Variants in MAN2B1 observed in about 807,000 individuals in gnomAD.
The protein encoded by MAN2B1 is lysosomal alpha-mannosidase.
Under a neutral mutation model 127.5 loss-of-function variants are expected in MAN2B1, and 99 were observed. The observed-to-expected ratio is 0.78, with a 90% CI of 0.66 to 0.92. The LOEUF (loss-of-function observed/expected upper bound fraction) is 0.92, where lower values mean the gene tolerates loss of function less well. Ranked by LOEUF, MAN2B1 falls within the 40% of genes least tolerant of loss-of-function variation. The pLI is 0.00. For synonymous variants in MAN2B1, 573 were observed against 568.8 expected, an observed-to-expected ratio of 1.01 and a Z score of -0.11; for missense variants, 1,304 against 1,384.8, an observed-to-expected ratio of 0.94 and a Z score of 0.93.
At chr19:12,657,135 T>A (rs2023983061) in intron 11 of MAN2B1, 79 bp from the exon 12 acceptor site, 3 of 870,580 alleles carry the variant, frequency 3.4e-6, no homozygotes, top group Non-Finnish European at 5.6e-6. Flanking sequence ...CCCGCCCCGT[T>A]CCGGTCTCTG....
intron 16 of MAN2B1, among the ~76,000 whole-genome samples, chr19:12,650,445 G>A (rs1267022693): frequency 3.5e-5 from 5 of 144,348 alleles, no homozygotes; most frequent in African/African-American, 5.2e-5. Flanking sequence ...TGCAAGCTCC[G>A]CCTCCCGGGT....
intron 7 of MAN2B1, among the ~76,000 whole-genome samples, chr19:12,659,297 CTT>C (rs34781385): frequency 0.31 from 34,272 of 112,216 alleles, 3,287 homozygotes; most frequent in Middle Eastern, 0.41. Context: ...GCTCAATAAA[CTT>C]TTTTTTTTTT....
At chr19:12,650,263 A>T (rs2023811777) in intron 16 of MAN2B1, 41 bp from the exon 17 acceptor site, 1 of 1,277,300 alleles carries the variant, frequency 7.8e-7, no homozygotes, top group Admixed American at 1.7e-5. Context: ...TCTGTACCTG[A>T]GCAGAGGTGA....
In MAN2B1 at chr19:12,660,032, ACACAGC is replaced by A. The variant is rs561028962; in HGVS notation, c.1026+1222_1026+1227del. 3.1e-3 allele frequency among the ~76,000 whole-genome samples: 469 copies of A among 152,216 alleles called. 3 individuals carry two copies. The highest frequency in any genetic ancestry group is 0.011 in the African/African-American group (448 of 41,526). On this transcript the variant is annotated intron_variant, in intron 7 of 23. Coordinates refer to ENST00000456935, the MANE Select transcript of MAN2B1 (RefSeq NM_000528.4). Reference sequence around the variant, plus strand: ...TGCTGATGAGAGTGACTGACTGTGCACACAGCCACAGCCACAGGCCACTTAGTGCAA... The same window carrying A: ...TGCTGATGAGAGTGACTGACTGTGCACACAGCCACAGGCCACTTAGTGCAA...
intron 1 of MAN2B1, 25 bp from the exon 2 acceptor site, chr19:12,665,830 T>C (rs764181803): frequency 4.4e-6 from 7 of 1,585,186 alleles, no homozygotes; most frequent in Non-Finnish European, 6.1e-6. Context: ...CAAACACACA[T>C]ACCTTGTCAA....
In MAN2B1 at chr19:12,658,433, G is replaced by C. The variant is rs372217078; in HGVS notation, c.1104C>G (p.Leu368=). 6.2e-7 allele frequency: 1 copy of C among 1,614,236 alleles called. No individual in the cohort carries two copies. Among genetic ancestry groups the C allele is most frequent in the Non-Finnish European group, 8.5e-7 (1 of 1,180,048 alleles). ...CYLWELNKAN[L]TWSVKHDDFF... ...TCCCCAGTTTCCCCAAATACCAGGT[G>C]AGGTTGGCCTTGTTCAGCTCCCAGA... The change falls in exon 8 of 24, where the codon CTC becomes CTG. Residue 368 remains leucine, a synonymous_variant. Coordinates refer to ENST00000456935, the MANE Select transcript of MAN2B1 (RefSeq NM_000528.4).
chr19:12,662,739 A>C (rs2024136960), intron 6 of MAN2B1, among the ~76,000 whole-genome samples: 1 of 151,716 alleles, frequency 6.6e-6, no homozygotes, highest in Non-Finnish European at 1.5e-5. Context: ...CCTGAGGTCA[A>C]GACCAGCCTG....
chr19:12,663,822 C>A lies in MAN2B1; in HGVS notation c.644G>T (p.Gly215Val), dbSNP rs1367969051. 2 of 1,614,170 alleles carry A rather than the reference C, an allele frequency of 1.2e-6. No homozygotes were observed. Among genetic ancestry groups the A allele is most frequent in the Non-Finnish European group, 1.7e-6 (2 of 1,180,034 alleles). Residue 215 changes from glycine to valine, a missense_variant, in exon 5 of 24, where the codon GGC becomes GTC. By Grantham distance (109) the Gly-to-Val change is moderately radical (BLOSUM62 -3). Coordinates refer to ENST00000456935, the MANE Select transcript of MAN2B1 (RefSeq NM_000528.4). Reference sequence around the variant, plus strand: ...ATAATCAAGGCGCCCAAAGAAGAAGCCGTCGAAGCCCATCTGGGGATGAGG... The same window carrying A: ...ATAATCAAGGCGCCCAAAGAAGAAGACGTCGAAGCCCATCTGGGGATGAGG... ...ASLFAQMGFD[G>V]FFFGRLDYQD...
At chr19:12,652,115 C>A (rs1420883192) in intron 16 of MAN2B1, 38 bp downstream of exon 16, 1 of 1,516,806 alleles carries the variant, frequency 6.6e-7, no homozygotes, top group South Asian at 1.1e-5. Context: ...ATAACTTCCC[C>A]ATTCCCAACT....
In MAN2B1 at chr19:12,659,005, C is replaced by T. The variant is rs375467968; in HGVS notation, c.1027-495G>A. Reference sequence around the variant, plus strand: ...ATGAGTACCTGGGACTACAGGTGCCCGCCACCACACCCGGCTAATTTTTTG... The same window carrying T: ...ATGAGTACCTGGGACTACAGGTGCCTGCCACCACACCCGGCTAATTTTTTG... On this transcript the variant is annotated intron_variant, in intron 7 of 23. Coordinates refer to ENST00000456935, the MANE Select transcript of MAN2B1 (RefSeq NM_000528.4). The T allele has an allele frequency of 3.5e-5, 7 of 197,326 alleles. No individual in the cohort carries two copies. In the East Asian group the frequency reaches 6.6e-4, roughly 19 times the overall value. 12.2% of individuals were successfully genotyped at this position (197,326 alleles called of 1,614,324 possible).
At chr19:12,650,602 C>T (rs1413427548) in intron 16 of MAN2B1, among the ~76,000 whole-genome samples, 1 of 151,956 alleles carries the variant, frequency 6.6e-6, no homozygotes, top group Non-Finnish European at 1.5e-5. Flanking sequence ...TCGTGATCAG[C>T]CCGCCTCGGC....
At chr19:12,656,288 C>A in intron 13 of MAN2B1, 1 of 464,402 alleles carries the variant, frequency 2.2e-6, no homozygotes, top group Non-Finnish European at 3.9e-6. Context: ...ATCCAGCAGG[C>A]GGAGTTTGAA....
rs775416239 is a variant in MAN2B1 at position 12,649,363 on chromosome 19, A to G, written c.2333T>C (p.Val778Ala). ...TEPVAGNYYP[V>A]NTRIYITDGN... ...TACCGTGATGTAAATCCGGGTGTTGACTGGATAGTAGTTTCCTGCCACGGG... is the reference window on the plus strand; with the variant it reads ...TACCGTGATGTAAATCCGGGTGTTGGCTGGATAGTAGTTTCCTGCCACGGG... Residue 778 changes from valine to alanine, a missense_variant, in exon 19 of 24, where the codon GTC becomes GCC. By Grantham distance (64) the Val-to-Ala change is moderately conservative. Coordinates refer to ENST00000456935, the MANE Select transcript of MAN2B1 (RefSeq NM_000528.4). 6.2e-7 allele frequency: 1 copy of G among 1,612,460 alleles called. No homozygotes were observed. Among genetic ancestry groups the G allele is most frequent in the South Asian group, 1.1e-5 (1 of 90,964 alleles).
rs569077441 is a variant in MAN2B1, at chr19:12,649,810, G to A, written c.2267+103C>T. ...CTCCCCCGCCCTTCACTCTCCCTTCGTCCTCTGTCTCCCACACTCATGTAA... is the reference window on the plus strand; with the variant it reads ...CTCCCCCGCCCTTCACTCTCCCTTCATCCTCTGTCTCCCACACTCATGTAA... On this transcript the variant is annotated intron_variant, in intron 18 of 23. Transcript: ENST00000456935. 19 of 1,019,564 alleles carry A rather than the reference G, an allele frequency of 1.9e-5. No homozygotes were observed. In the East Asian group the frequency reaches 3.3e-4, roughly 18 times the overall value. 63.2% of individuals were successfully genotyped at this position (1,019,564 alleles called of 1,614,324 possible). A position where few individuals can be genotyped will look rare whatever the true frequency, so the allele number is the denominator to read the frequency against.
In MAN2B1 at chr19:12,657,397, G is replaced by T. The variant is rs763782621; in HGVS notation, c.1419+49C>A. ...GTCCCCTTTCCCAGGCCCTGGCCCC[G>T]CCCCTTCCTGTCTCCACCCCCGTGT... On this transcript the variant is annotated intron_variant, in intron 11 of 23. Coordinates refer to ENST00000456935, the MANE Select transcript of MAN2B1 (RefSeq NM_000528.4). 6 of 1,478,552 alleles carry T rather than the reference G, an allele frequency of 4.1e-6. No homozygotes were observed. The East Asian group carries it at 1.2e-4, about 30-fold the overall frequency. 91.6% of individuals were successfully genotyped at this position (1,478,552 alleles called of 1,614,324 possible). A position where few individuals can be genotyped will look rare whatever the true frequency, so the allele number is the denominator to read the frequency against.
rs1364070900 is a variant in MAN2B1, at chr19:12,661,381, A to G, written c.910-5T>C. ...GTTGGTGCGGTAATACCGGCCCTGC[A>G]GGCAAGAGGGGAGTCCTGAAGCCAG... is the stretch of plus-strand genomic sequence containing the variant. On this transcript the variant is annotated splice_region_variant and splice_polypyrimidine_tract_variant and intron_variant, in intron 6 of 23. Coordinates refer to ENST00000456935, the MANE Select transcript of MAN2B1 (RefSeq NM_000528.4). 1 of 1,592,374 alleles carries G rather than the reference A, an allele frequency of 6.3e-7. No individual in the cohort carries two copies. Among genetic ancestry groups the G allele is most frequent in the Admixed American group, 1.7e-5 (1 of 59,976 alleles).
At position 12,646,750 on chromosome 19, in the gene MAN2B1, G is replaced by A; in HGVS notation, c.2924-18C>T. ...TGTGGGGCCTGGAGAGGTGCAGGGG[G>A]AAGGAGGAGTGAGGAGGTGCAGACT... On this transcript the variant is annotated intron_variant, in intron 23 of 23. Coordinates refer to ENST00000456935, the MANE Select transcript of MAN2B1 (RefSeq NM_000528.4). 6.4e-7 allele frequency: 1 copy of A among 1,569,122 alleles called. No homozygotes were observed. The highest frequency in any genetic ancestry group is 1.1e-5 in the South Asian group (1 of 90,200).
At chr19:12,656,878 C>G in intron 12 of MAN2B1, 71 bp downstream of exon 12, 1 of 1,309,040 alleles carries the variant, frequency 7.6e-7, no homozygotes, top group South Asian at 1.2e-5. Context: ...GTATAGTCCT[C>G]CAAAAACATT....
In MAN2B1 at chr19:12,657,071, A is replaced by G; in HGVS notation, c.1420-15T>C. 1 of 1,533,836 alleles carries G rather than the reference A, an allele frequency of 6.5e-7. No individual in the cohort carries two copies. The highest frequency in any genetic ancestry group is 9.0e-7 in the Non-Finnish European group (1 of 1,116,388). On this transcript the variant is annotated splice_polypyrimidine_tract_variant and intron_variant, in intron 11 of 23. Transcript: ENST00000456935. Reference sequence around the variant, plus strand: ...CTCAGAAGAACCTGCGGAAGAGCGCAAAGGGACCGGTGGGTTCAGGACGCC... The same window carrying G: ...CTCAGAAGAACCTGCGGAAGAGCGCGAAGGGACCGGTGGGTTCAGGACGCC...
Sources: gnomAD v4.1 joint callset for allele counts (sites outside exome capture counted in the v4.1 genomes callset) on GRCh38, gnomAD v4.1.1 for gene constraint, MANE v1.5 for transcripts, NCBI Gene and HGNC (gene_info 2026-07-23, HGNC 2026-07-21) for gene names.